MIGA1: variants seen among roughly 807,000 people sequenced by gnomAD.
MIGA1 encodes family with sequence similarity 73, member A.
Under a neutral mutation model 82.0 loss-of-function variants are expected in MIGA1, and 58 were observed. The ratio of observed to expected loss-of-function variants is 0.71; its 90% CI spans 0.57 to 0.88. MIGA1 has a LOEUF of 0.88. MIGA1 is among the 40% of genes least tolerant of loss of function. The pLI, the probability that MIGA1 is intolerant of heterozygous loss-of-function variation, is 0.00. For missense variants in MIGA1, 751 were observed against 749.1 expected (o/e 1.00, Z -0.03); for synonymous variants, 249 against 253.6 (o/e 0.98, Z 0.17).
intron 11 of MIGA1, chr1:77,860,684 A>G (rs1685426743): frequency 6.5e-6 from 1 of 153,046 alleles, no homozygotes; most frequent in Non-Finnish European, 1.5e-5. Context: ...CATTTATATA[A>G]TAGAATTGTA....
intron 8 of MIGA1, among the ~76,000 whole-genome samples, chr1:77,854,075 G>T (rs1460172577): frequency 1.3e-5 from 2 of 151,788 alleles, no homozygotes; most frequent in Non-Finnish European, 2.9e-5. Flanking sequence ...AAAGTCCATT[G>T]TATCATTCTT....
rs1244036587 is a variant in MIGA1, at chr1:77,788,397, CA to C, written c.195+5049del. 2.6e-5 allele frequency among the ~76,000 whole-genome samples: 4 copies of C among 152,336 alleles called. No individual in the cohort carries two copies. The East Asian group carries it at 7.7e-4, about 29-fold the overall frequency. Reference sequence around the variant, plus strand: ...TAAGCGATCCACCCACCTTGGCCTCCAAAGTGCTGGGATTACAGGCATGAAC... The same window carrying C: ...TAAGCGATCCACCCACCTTGGCCTCCAAGTGCTGGGATTACAGGCATGAAC... On this transcript the variant is annotated intron_variant, in intron 2 of 15. Coordinates refer to ENST00000370791, the MANE Select transcript of MIGA1 (RefSeq NM_198549.4).
intron 2 of MIGA1, among the ~76,000 whole-genome samples, chr1:77,798,443 G>T (rs570435092): frequency 6.6e-6 from 1 of 152,198 alleles, no homozygotes; most frequent in African/African-American, 2.4e-5. Context: ...CAAAAGGTGC[G>T]TCTTCCATGG....
chr1:77,833,297 A>G (rs1246036632), intron 7 of MIGA1, among the ~76,000 whole-genome samples: 1 of 152,224 alleles, frequency 6.6e-6, no homozygotes, highest in Non-Finnish European at 1.5e-5. Context: ...TGTACAACAT[A>G]TGAGAAATTT....
chr1:77,800,694 A>C (rs1193345954), intron 2 of MIGA1, among the ~76,000 whole-genome samples: 6 of 152,072 alleles, frequency 3.9e-5, no homozygotes, highest in Admixed American at 2.6e-4. Flanking sequence ...ATCTGTCTCC[A>C]CTCTTAGCAC....
chr1:77,855,626 C>T (rs867159810), intron 8 of MIGA1, among the ~76,000 whole-genome samples: 28 of 151,528 alleles, frequency 1.8e-4, no homozygotes, highest in South Asian at 2.1e-4. Context: ...TAGGTATATT[C>T]CTAAGTATTT....
At chr1:77,855,780 A>G (rs1041362500) in intron 8 of MIGA1, among the ~76,000 whole-genome samples, 7 of 151,920 alleles carry the variant, frequency 4.6e-5, no homozygotes, top group Admixed American at 1.3e-4. Flanking sequence ...TATCAGTTCT[A>G]GGAGCTTTCT....
chr1:77,829,075 ATTT>A (rs1684139583), intron 7 of MIGA1, among the ~76,000 whole-genome samples: 1 of 151,986 alleles, frequency 6.6e-6, no homozygotes, highest in African/African-American at 2.4e-5. Flanking sequence ...ATTCTTTTGT[ATTT>A]TCCTTGGAAA....
chr1:77,811,613 C>G, intron 5 of MIGA1: 3 of 1,612,016 alleles, frequency 1.9e-6, no homozygotes, highest in Non-Finnish European at 2.5e-6. Context: ...TTTTGTTCTT[C>G]TGTGAATTCA....
chr1:77,791,625 G>A (rs952345161), intron 2 of MIGA1, among the ~76,000 whole-genome samples: 2 of 145,362 alleles, frequency 1.4e-5, no homozygotes, highest in African/African-American at 5.1e-5. Flanking sequence ...GTGCAGTGGT[G>A]TGATCTTGGC....
At chr1:77,861,444 CT>C (rs894137752) in intron 12 of MIGA1, 122 bp downstream of exon 12, 6 of 661,416 alleles carry the variant, frequency 9.1e-6, no homozygotes, top group Non-Finnish European at 1.3e-5. Context: ...TGTGGGACAT[CT>C]TTTTTTCTGA....
chr1:77,829,492 A>C (rs1306161676), intron 7 of MIGA1, among the ~76,000 whole-genome samples: 1 of 152,120 alleles, frequency 6.6e-6, no homozygotes, highest in Admixed American at 6.6e-5. Context: ...GTTTTGAGAC[A>C]GAGTCTCGTT....
intron 7 of MIGA1, among the ~76,000 whole-genome samples, chr1:77,827,406 C>T (rs1215660762): frequency 4.6e-5 from 7 of 151,834 alleles, no homozygotes; most frequent in South Asian, 2.1e-4. Context: ...TCTTGGAAAT[C>T]GAGGCCGCAG....
At chr1:77,842,014 C>T (rs999305317) in intron 7 of MIGA1, among the ~76,000 whole-genome samples, 4 of 150,460 alleles carry the variant, frequency 2.7e-5, no homozygotes, top group African/African-American at 9.8e-5. Context: ...AACTCCTGGA[C>T]TCAAGTGATC....
intron 7 of MIGA1, among the ~76,000 whole-genome samples, chr1:77,835,371 A>G (rs1684387643): frequency 6.6e-6 from 1 of 152,224 alleles, no homozygotes; most frequent in Admixed American, 6.5e-5. Context: ...TGTACAGTGA[A>G]TGCTTTAAAA....
Position 77,878,490 on chromosome 1 carries a change from ATTAGT to A in MIGA1, c.*3431_*3435del. 5.7e-6 allele frequency: 1 copy of A among 174,666 alleles called. No homozygotes were observed. Among genetic ancestry groups the A allele is most frequent in the East Asian group, 1.5e-4 (1 of 6,842 alleles). The allele number at this position is 174,666 out of a possible 1,614,324, so 10.8% of individuals were successfully genotyped here. A position where few individuals can be genotyped will look rare whatever the true frequency, so the allele number is the denominator to read the frequency against. On this transcript the variant is annotated 3_prime_UTR_variant, in exon 16 of 16. Coordinates refer to ENST00000370791, the MANE Select transcript of MIGA1 (RefSeq NM_198549.4). ...AGCAAAAGCAATGTCTTTAAAAATG[ATTAGT>A]TTAGAGCCTTTTAGGGTAAACCCTG...
chr1:77,830,243 TCTTTA>T (rs1394386859), intron 7 of MIGA1, among the ~76,000 whole-genome samples: 1 of 152,200 alleles, frequency 6.6e-6, no homozygotes, highest in East Asian at 1.9e-4. Flanking sequence ...ATGGTATGGT[TCTTTA>T]CTTAGGTCTT....
intron 1 of MIGA1, among the ~76,000 whole-genome samples, chr1:77,780,863 T>G (rs1444745280): frequency 6.6e-6 from 1 of 151,962 alleles, no homozygotes; most frequent in Non-Finnish European, 1.5e-5. Context: ...AATGAGGTAG[T>G]TAGAATGCAA....
intron 14 of MIGA1, among the ~76,000 whole-genome samples, chr1:77,869,516 C>T (rs1336155477): frequency 1.2e-4 from 16 of 135,970 alleles, no homozygotes; most frequent in Admixed American, 5.0e-4. Context: ...CCAGTAGGGG[C>T]GGCCGGGCAG....
Sources: allele counts gnomAD v4.1 joint callset (sites outside exome capture counted in the v4.1 genomes callset), GRCh38; gene constraint gnomAD v4.1.1; transcripts MANE v1.5; gene names NCBI Gene and HGNC (gene_info 2026-07-23, HGNC 2026-07-21).